IL19: variants seen among roughly 807,000 people sequenced by gnomAD.
IL19 encodes interleukin-19.
Under a neutral mutation model 19.5 loss-of-function variants are expected in IL19, and 15 were observed. That is an observed-to-expected ratio of 0.77 (90% CI 0.52 to 1.19). IL19 has a LOEUF of 1.19. Ranked by LOEUF, IL19 falls within the 50% of genes most tolerant of loss-of-function variation. The pLI is 0.00. For synonymous variants in IL19, 78 were observed against 78.3 expected (o/e 1.00, Z 0.02); for missense variants, 199 against 213.1 (o/e 0.93, Z 0.41).
intron 2 of IL19, chr1:206,834,529 G>A: frequency 9.3e-6 from 7 of 756,100 alleles, no homozygotes; most frequent in Non-Finnish European, 1.1e-5. Context: ...CTGGGCATTT[G>A]GTAGAATGGG....
At chr1:206,821,870 C>A (rs747866059) in intron 2 of IL19, among the ~76,000 whole-genome samples, 2 of 152,232 alleles carry the variant, frequency 1.3e-5, no homozygotes, top group African/African-American at 2.4e-5. Context: ...AAACTCCTCA[C>A]ACTTTGGGAA....
At chr1:206,813,693 T>C (rs1271156181) in intron 2 of IL19, among the ~76,000 whole-genome samples, 1 of 152,246 alleles carries the variant, frequency 6.6e-6, no homozygotes, top group Non-Finnish European at 1.5e-5. Flanking sequence ...CTTTTAACTT[T>C]TTTTAGTTAC....
In IL19 at chr1:206,817,040, T is replaced by TGCTGAAAC. The variant is rs544526776; in HGVS notation, c.-3+18043_-3+18050dup. On this transcript the variant is annotated intron_variant, in intron 2 of 6. Transcript: ENST00000659997. ...GCAGGATATCAGATAAGAAGCAACTTGCTGAAACGCTGAAACTCCCTTGGC... is the reference window on the plus strand; with the variant it reads ...GCAGGATATCAGATAAGAAGCAACTTGCTGAAACGCTGAAACGCTGAAACTCCCTTGGC... Among the ~76,000 whole-genome samples, 182 of 152,276 alleles carry TGCTGAAAC rather than the reference T, an allele frequency of 1.2e-3. 1 individual carries two copies. Among genetic ancestry groups the TGCTGAAAC allele is most frequent in the Middle Eastern group, 3.4e-3 (1 of 294 alleles).
intron 2 of IL19, 56 bp from the exon 3 acceptor site, chr1:206,836,605 C>A: frequency 6.6e-7 from 1 of 1,521,818 alleles, no homozygotes. Context: ...CAGGGGTCTT[C>A]TTTTTCATTG....
Position 206,839,959 on chromosome 1 carries a change from T to C in IL19, c.320T>C (p.Ile107Thr). The part of the protein sequence containing the change: ...NPKILRKISS[I>T]ANSFLYMQKT... ...AAAATCTTGAGAAAAATCAGCAGCA[T>C]TGCCAACTCTTTCCTCTACATGCAG... The change falls in exon 5 of 7, where the codon ATT becomes ACT. Residue 107 changes from isoleucine to threonine, a missense_variant. Ile to Thr is a moderately conservative substitution (Grantham distance 89). Transcript: ENST00000659997. 4 of 1,614,176 alleles carry C rather than the reference T, an allele frequency of 2.5e-6. No individual in the cohort carries two copies. Among genetic ancestry groups the C allele is most frequent in the South Asian group, 1.1e-5 (1 of 91,084 alleles).
At chr1:206,791,576 T>C (rs889414039) in intron 1 of IL19, among the ~76,000 whole-genome samples, 4 of 152,206 alleles carry the variant, frequency 2.6e-5, no homozygotes, top group Non-Finnish European at 4.4e-5. Flanking sequence ...GTGCTGGGAT[T>C]ACAGGCATGA....
intron 2 of IL19, 21 bp downstream of exon 2, chr1:206,799,027 G>C (rs1414847492): frequency 6.6e-7 from 1 of 1,512,168 alleles, no homozygotes; most frequent in South Asian, 1.1e-5. Flanking sequence ...TCTGCTATAG[G>C]GACCCTGGAT....
chr1:206,787,551 G>A (rs945234797), intron 1 of IL19, among the ~76,000 whole-genome samples: 9 of 152,136 alleles, frequency 5.9e-5, no homozygotes, highest in Admixed American at 1.3e-4. Flanking sequence ...ACCTAGGTCC[G>A]GGAAAAGGAG....
intron 2 of IL19, chr1:206,829,175 C>G (rs1676522266): frequency 6.6e-6 from 1 of 152,134 alleles, no homozygotes; most frequent in Admixed American, 6.5e-5. Context: ...AAAGGACTCT[C>G]CCCACCCAAT....
chr1:206,807,709 A>G, intron 2 of IL19, among the ~76,000 whole-genome samples: 1 of 137,452 alleles, frequency 7.3e-6, no homozygotes, highest in Admixed American at 7.6e-5. Flanking sequence ...TTAGAGTATG[A>G]ACCCCACAAA....
intron 1 of IL19, among the ~76,000 whole-genome samples, chr1:206,781,000 G>C (rs1377321253): frequency 6.6e-6 from 1 of 152,104 alleles, no homozygotes; most frequent in African/African-American, 2.4e-5. Context: ...TTTGTCTTAG[G>C]GGAAGATTTC....
At chr1:206,800,664 A>C (rs1183066361) in intron 2 of IL19, among the ~76,000 whole-genome samples, 2 of 152,204 alleles carry the variant, frequency 1.3e-5, no homozygotes, top group Non-Finnish European at 2.9e-5. Flanking sequence ...GCCCTTCCAG[A>C]TGAAGTCATT....
intron 1 of IL19, among the ~76,000 whole-genome samples, chr1:206,776,427 G>T (rs1451160773): frequency 2.7e-5 from 4 of 148,356 alleles, no homozygotes; most frequent in East Asian, 2.0e-4. Flanking sequence ...GAACTGCTGG[G>T]GTGTGTGTGT....
At chr1:206,836,878 T>C (rs1367643289) in intron 3 of IL19, 72 bp downstream of exon 3, 11 of 1,590,762 alleles carry the variant, frequency 6.9e-6, no homozygotes, top group African/African-American at 5.4e-5. Flanking sequence ...TGAAAATGAG[T>C]TCCTTCTCAT....
At chr1:206,780,546 A>G (rs1300004548) in intron 1 of IL19, among the ~76,000 whole-genome samples, 1 of 152,190 alleles carries the variant, frequency 6.6e-6, no homozygotes, top group Non-Finnish European at 1.5e-5. Flanking sequence ...CTGATTACTA[A>G]TTAGTGCTCT....
intron 6 of IL19, among the ~76,000 whole-genome samples, chr1:206,841,785 T>C (rs1191814224): frequency 6.6e-6 from 1 of 152,228 alleles, no homozygotes; most frequent in Non-Finnish European, 1.5e-5. Context: ...GGTATTGCTC[T>C]AGGCACACAA....
At chr1:206,772,484 C>G in intron 1 of IL19, 1 of 1,580,794 alleles carries the variant, frequency 6.3e-7, no homozygotes, top group Non-Finnish European at 8.7e-7. Flanking sequence ...AAGAGCAAGC[C>G]CCTGATGTGT....
chr1:206,826,855 A>G (rs942884114), intron 2 of IL19, among the ~76,000 whole-genome samples: 1 of 152,064 alleles, frequency 6.6e-6, no homozygotes, highest in African/African-American at 2.4e-5. Flanking sequence ...TATAGGGAGG[A>G]AGTTTGAAGT....
At chr1:206,797,477 C>A (rs1212497444) in intron 1 of IL19, among the ~76,000 whole-genome samples, 4 of 152,118 alleles carry the variant, frequency 2.6e-5, no homozygotes, top group Non-Finnish European at 5.9e-5. Flanking sequence ...ATTTCTGCTA[C>A]TGTAGCTTAT....
Sources: gnomAD v4.1 joint callset for allele counts (sites outside exome capture counted in the v4.1 genomes callset) on GRCh38, gnomAD v4.1.1 for gene constraint, MANE v1.5 for transcripts, NCBI Gene and HGNC (gene_info 2026-07-23, HGNC 2026-07-21) for gene names.